Variants in LRRFIP1 observed in about 807,000 individuals in gnomAD.
LRRFIP1 encodes the protein LRR binding FLII interacting protein 1.
In LRRFIP1, 62 loss-of-function variants were observed where a neutral mutation model predicts 104.4. That is an observed-to-expected ratio of 0.59 (90% CI 0.48 to 0.73). LRRFIP1 has a LOEUF of 0.73. Among genes scored for constraint, LRRFIP1 ranks in the 30% least tolerant of loss-of-function variants. The pLI, the probability that LRRFIP1 is intolerant of heterozygous loss-of-function variation, is 0.00. For synonymous variants in LRRFIP1, 300 were observed against 299.0 expected (o/e 1.00, Z -0.03); for missense variants, 796 against 824.5 (o/e 0.97, Z 0.42).
chr2:237,739,907 G>A (rs780210619), intron 11 of LRRFIP1, among the ~76,000 whole-genome samples: 8 of 152,100 alleles, frequency 5.3e-5, no homozygotes, highest in Non-Finnish European at 1.0e-4. Context: ...GCGACCCTAT[G>A]ACTCTTTTTA....
intron 14 of LRRFIP1, among the ~76,000 whole-genome samples, chr2:237,752,861 G>GTGGCCCTATGTAATT (rs1337730370): frequency 6.6e-6 from 1 of 152,216 alleles, no homozygotes; most frequent in Non-Finnish European, 1.5e-5. Flanking sequence ...TCACTGGCTT[G>GTGGCCCTATGTAATT]TGGCCCTATG....
intron 1 of LRRFIP1, among the ~76,000 whole-genome samples, chr2:237,636,083 G>A (rs71424984): frequency 0.026 from 3,601 of 137,522 alleles, 58 homozygotes; most frequent in Non-Finnish European, 0.041. Flanking sequence ...GGTTGACAGA[G>A]CAAAACTCTG....
intron 22 of LRRFIP1, chr2:237,774,149 C>T: frequency 1.9e-6 from 1 of 535,666 alleles, no homozygotes. Context: ...AAATGGGTCC[C>T]CATCATGTCA....
intron 1 of LRRFIP1, among the ~76,000 whole-genome samples, chr2:237,704,351 AC>A (rs1325406713): frequency 6.6e-6 from 1 of 151,796 alleles, no homozygotes; most frequent in African/African-American, 2.4e-5. Context: ...ACAGGGTTTC[AC>A]CATGTTGGCC....
intron 1 of LRRFIP1, among the ~76,000 whole-genome samples, chr2:237,705,407 A>T (rs1575644326): frequency 6.6e-6 from 1 of 152,092 alleles, no homozygotes; most frequent in African/African-American, 2.4e-5. Flanking sequence ...CATGCTGGTA[A>T]TCCCAGCACT....
chr2:237,751,226 T>G lies in LRRFIP1; in HGVS notation c.822T>G (p.Ile274Met), dbSNP rs746783147. Reference protein sequence around the residue: ...IKELNELKDQIQDVEGKYMQG... With the variant: ...IKELNELKDQMQDVEGKYMQG... ...AACTCAATGAGTTAAAGGACCAGAT[T>G]CAGGATGTAGAAGGCAAATACATGC... Residue 274 changes from isoleucine (I) to methionine (M), a missense_variant, in exon 14 of 24, where the codon ATT becomes ATG. By Grantham distance (10) the Ile-to-Met change is conservative. Coordinates refer to ENST00000308482, the MANE Select transcript of LRRFIP1 (RefSeq NM_001137550.2). 2 of 1,610,612 alleles carry G rather than the reference T, an allele frequency of 1.2e-6. No homozygotes were observed. Among genetic ancestry groups the G allele is most frequent in the East Asian group, 2.2e-5 (1 of 44,838 alleles).
intron 8 of LRRFIP1, chr2:237,729,796 G>A: frequency 3.0e-6 from 3 of 985,426 alleles, no homozygotes; most frequent in Non-Finnish European, 3.6e-6. Context: ...AGCTACAGCG[G>A]TGACAGCAGA....
intron 19 of LRRFIP1, chr2:237,763,517 T>C (rs775241725): frequency 2.5e-6 from 4 of 1,613,282 alleles, no homozygotes; most frequent in Non-Finnish European, 3.4e-6. Flanking sequence ...GAACACAGAT[T>C]TAAGTGAAAT....
At chr2:237,631,639 C>T (rs981102093) in intron 1 of LRRFIP1, among the ~76,000 whole-genome samples, 3 of 152,174 alleles carry the variant, frequency 2.0e-5, no homozygotes, top group African/African-American at 7.2e-5. Context: ...AGATTTTCCT[C>T]TCCTACCGCA....
Position 237,630,413 on chromosome 2 carries a change from G to A in LRRFIP1, c.96+2673G>A, listed in dbSNP as rs566383752. Among the ~76,000 whole-genome samples, 10 of 152,310 alleles carry A rather than the reference G, an allele frequency of 6.6e-5. 1 individual carries two copies. Among genetic ancestry groups the A allele is most frequent in the Non-Finnish European group, 8.8e-5 (6 of 68,030 alleles). On this transcript the variant is annotated intron_variant, in intron 1 of 23. Transcript: ENST00000308482. ...AGACTGGAGAGTCAGGGAGGAACCCGGCGAGGACCTGCCTGCCCTCCAGGA... is the reference window on the plus strand; with the variant it reads ...AGACTGGAGAGTCAGGGAGGAACCCAGCGAGGACCTGCCTGCCCTCCAGGA...
chr2:237,631,051 T>C (rs575518908), intron 1 of LRRFIP1, among the ~76,000 whole-genome samples: 12 of 152,344 alleles, frequency 7.9e-5, no homozygotes, highest in Non-Finnish European at 1.8e-4. Flanking sequence ...GTCTACCCTG[T>C]GACCTGTCAG....
At chr2:237,730,582 G>T (rs1170644338) in intron 8 of LRRFIP1, among the ~76,000 whole-genome samples, 1 of 152,166 alleles carries the variant, frequency 6.6e-6, no homozygotes, top group Non-Finnish European at 1.5e-5. Context: ...ATGGGAGGGA[G>T]ACACTGGTTT....
Position 237,774,417 on chromosome 2 carries a change from A to G in LRRFIP1, c.1767A>G (p.Lys589=). 5 of 1,613,922 alleles carry G rather than the reference A, an allele frequency of 3.1e-6. No homozygotes were observed. Among genetic ancestry groups the G allele is most frequent in the Non-Finnish European group, 4.2e-6 (5 of 1,179,852 alleles). ...AATCAGCGGCTGAAAATGCAGAAAAAATAGAAGATGAACTTAAGGCAGAAA... is the reference window on the plus strand; with the variant it reads ...AATCAGCGGCTGAAAATGCAGAAAAGATAGAAGATGAACTTAAGGCAGAAA... ...RYKSAAENAE[K]IEDELKAEKR... Residue 589 remains lysine (K), a synonymous_variant, in exon 23 of 24, where the codon AAA becomes AAG. Coordinates refer to ENST00000308482, the MANE Select transcript of LRRFIP1 (RefSeq NM_001137550.2).
chr2:237,627,817 T>C, intron 1 of LRRFIP1, 77 bp downstream of exon 1: 1 of 943,284 alleles, frequency 1.1e-6, no homozygotes, highest in Non-Finnish European at 1.4e-6. Context: ...CTCTCCGGCG[T>C]CCGTCTGTCC....
intron 1 of LRRFIP1, among the ~76,000 whole-genome samples, chr2:237,685,382 T>C (rs188498117): frequency 3.3e-5 from 5 of 152,342 alleles, no homozygotes. Context: ...CCTCAGAGTG[T>C]ATCACAAAAC....
chr2:237,749,100 C>T, intron 12 of LRRFIP1, 99 bp from the exon 13 acceptor site: 1 of 1,328,130 alleles, frequency 7.5e-7, no homozygotes, highest in Non-Finnish European at 1.0e-6. Flanking sequence ...AGGGCCGTCC[C>T]TCATCTTGTG....
chr2:237,763,230 C>T, intron 19 of LRRFIP1: 1 of 1,614,110 alleles, frequency 6.2e-7, no homozygotes, highest in South Asian at 1.1e-5. Flanking sequence ...GGTGAAGAAA[C>T]AGGATTAAGG....
At chr2:237,698,594 A>G (rs1246589146) in intron 1 of LRRFIP1, among the ~76,000 whole-genome samples, 1 of 152,252 alleles carries the variant, frequency 6.6e-6, no homozygotes, top group Non-Finnish European at 1.5e-5. Flanking sequence ...CCTTCTTTGA[A>G]GGTGGCCGTC....
At chr2:237,765,568 A>G in intron 19 of LRRFIP1, 1 of 975,510 alleles carries the variant, frequency 1.0e-6, no homozygotes, top group Non-Finnish European at 1.2e-6. Context: ...CTATAGTAGG[A>G]TATTTTAAAG....
Sources: gnomAD v4.1 joint callset for allele counts (sites outside exome capture counted in the v4.1 genomes callset) on GRCh38, gnomAD v4.1.1 for gene constraint, MANE v1.5 for transcripts, NCBI Gene and HGNC (gene_info 2026-07-23, HGNC 2026-07-21) for gene names.